Variants in ALPL observed in about 807,000 individuals in gnomAD.
The protein encoded by ALPL is alkaline phosphatase, biomineralization associated, also known as alkaline phosphatase, tissue-nonspecific isozyme.
A neutral mutation model predicts 51.3 loss-of-function variants in ALPL; 42 were observed. The ratio of observed to expected loss-of-function variants is 0.82; its 90% CI spans 0.64 to 1.06. The LOEUF (loss-of-function observed/expected upper bound fraction) is 1.06, where lower values mean the gene tolerates loss of function less well. Among genes scored for constraint, ALPL ranks in the 50% least tolerant of loss-of-function variants. The probability of loss-of-function intolerance (pLI) is 0.00; values close to 1 mark genes in which losing one functional copy is unlikely to be tolerated. For missense variants in ALPL, 589 were observed against 709.4 expected (o/e 0.83, Z 1.93); for synonymous variants, 279 against 296.4 (o/e 0.94, Z 0.60).
At chr1:21,558,731 G>T (rs1441517118) in intron 2 of ALPL, among the ~76,000 whole-genome samples, 1 of 152,212 alleles carries the variant, frequency 6.6e-6, no homozygotes, top group Admixed American at 6.5e-5. Context: ...TGAGGGATTG[G>T]GGTGGTGGTG....
rs537018840 is a variant in ALPL, at chr1:21,575,694, C to T, written c.998-39C>T. On this transcript the variant is annotated intron_variant, in intron 9 of 11. Coordinates refer to ENST00000374840, the MANE Select transcript of ALPL (RefSeq NM_000478.6). ...GGGGCTGGGGAGCAGATCTTCCTCC[C>T]CTCCTCCCTCACCGAGGCCTTTGCC... is the stretch of plus-strand genomic sequence containing the variant. 5 of 1,611,678 alleles carry T rather than the reference C, an allele frequency of 3.1e-6. No individual in the cohort carries two copies. In the African/African-American group the frequency reaches 6.7e-5, roughly 22 times the overall value.
At chr1:21,575,100 ACAGGCACTGCC>A (rs554507571) in intron 9 of ALPL, among the ~76,000 whole-genome samples, 1 of 152,330 alleles carries the variant, frequency 6.6e-6, no homozygotes, top group South Asian at 2.1e-4. Flanking sequence ...GGAACCTGCC[ACAGGCACTGCC>A]CAGGCACTGG....
chr1:21,547,146 G>A (rs1313204583), intron 1 of ALPL, among the ~76,000 whole-genome samples: 1 of 152,242 alleles, frequency 6.6e-6, no homozygotes, highest in Non-Finnish European at 1.5e-5. Flanking sequence ...CTCTGTAGGT[G>A]TTTGGGAGTG....
chr1:21,537,410 T>C (rs774846555), intron 1 of ALPL, among the ~76,000 whole-genome samples: 2 of 152,170 alleles, frequency 1.3e-5, no homozygotes, highest in Non-Finnish European at 2.9e-5. Context: ...CCCCTCACTT[T>C]GTGGAGCGGG....
chr1:21,571,408 C>T (rs890589186), intron 8 of ALPL, among the ~76,000 whole-genome samples: 1 of 151,988 alleles, frequency 6.6e-6, no homozygotes, highest in East Asian at 1.9e-4. Context: ...TGCAGTGGCT[C>T]ATGCCTGTAA....
chr1:21,563,708 G>T (rs1301035459), intron 5 of ALPL, among the ~76,000 whole-genome samples: 1 of 152,168 alleles, frequency 6.6e-6, no homozygotes, highest in Non-Finnish European at 1.5e-5. Context: ...CAGGTGACAA[G>T]GCCAACATAC....
intron 1 of ALPL, among the ~76,000 whole-genome samples, chr1:21,520,533 T>C (rs1643873198): frequency 6.8e-6 from 1 of 146,574 alleles, no homozygotes; most frequent in Non-Finnish European, 1.5e-5. Context: ...AGTGGCTTGA[T>C]CTTGGCTCAC....
chr1:21,566,043 C>T (rs1005511012), intron 6 of ALPL, among the ~76,000 whole-genome samples: 4 of 152,060 alleles, frequency 2.6e-5, no homozygotes, highest in Middle Eastern at 3.4e-3. Flanking sequence ...TTGTGGGGGG[C>T]GGGGCAAGGG....
chr1:21,575,667 G>T, intron 9 of ALPL, 66 bp from the exon 10 acceptor site: 2 of 1,587,406 alleles, frequency 1.3e-6, no homozygotes, highest in Non-Finnish European at 1.7e-6. Context: ...CAGCAGTGTT[G>T]TGGGGCTGGG....
chr1:21,561,296 C>T (rs957840508), intron 4 of ALPL, 84 bp downstream of exon 4: 2 of 1,219,936 alleles, frequency 1.6e-6, no homozygotes, highest in Non-Finnish European at 2.4e-6. Flanking sequence ...GCCAGAGGTC[C>T]CCTGACCCCC....
chr1:21,530,700 C>A (rs181010370), intron 1 of ALPL, among the ~76,000 whole-genome samples: 1 of 152,002 alleles, frequency 6.6e-6, no homozygotes, highest in Non-Finnish European at 1.5e-5. Flanking sequence ...GGTGGAGTGA[C>A]TGTAGAGGCC....
intron 1 of ALPL, among the ~76,000 whole-genome samples, chr1:21,510,080 G>T (rs2148046268): frequency 6.6e-6 from 1 of 152,242 alleles, no homozygotes. Flanking sequence ...GGACACCCGC[G>T]TGGGTGTCAA....
intron 1 of ALPL, among the ~76,000 whole-genome samples, chr1:21,551,819 G>A (rs1166224080): frequency 8.4e-5 from 12 of 142,552 alleles, no homozygotes; most frequent in Admixed American, 5.3e-4. Flanking sequence ...TCCGCCTCCC[G>A]GGTTCACGCC....
At position 21,577,712 on chromosome 1, in the gene ALPL, CCCT is replaced by C; in HGVS notation, c.*66_*68del. On this transcript the variant is annotated 3_prime_UTR_variant, in exon 12 of 12. Transcript: ENST00000374840. ...GCCAACTTCCCACACGGCAGCCCCC[CCCT>C]CAAGGGGCAGGGAGGTGGGGGCCTC... The C allele has an allele frequency of 6.5e-7, 1 of 1,549,184 alleles. No individual in the cohort carries two copies. The highest frequency in any genetic ancestry group is 8.7e-7 in the Non-Finnish European group (1 of 1,153,442).
At chr1:21,522,735 G>A (rs1240757161) in intron 1 of ALPL, among the ~76,000 whole-genome samples, 1 of 152,178 alleles carries the variant, frequency 6.6e-6, no homozygotes, top group Non-Finnish European at 1.5e-5. Context: ...CTGTGGGATA[G>A]GCGCCAATCA....
intron 6 of ALPL, among the ~76,000 whole-genome samples, chr1:21,566,166 C>T (rs894651747): frequency 6.6e-5 from 10 of 152,336 alleles, no homozygotes; most frequent in Admixed American, 6.5e-5. Context: ...TGTTTCCCCA[C>T]TCCTTCTGGC....
intron 1 of ALPL, among the ~76,000 whole-genome samples, chr1:21,534,220 C>T (rs1644068428): frequency 6.6e-6 from 1 of 152,222 alleles, no homozygotes; most frequent in Non-Finnish European, 1.5e-5. Flanking sequence ...AAGCAGTCCT[C>T]CTGCCTTGGC....
intron 1 of ALPL, among the ~76,000 whole-genome samples, chr1:21,525,054 G>A (rs990216554): frequency 7.9e-5 from 12 of 152,222 alleles, no homozygotes; most frequent in African/African-American, 2.7e-4. Flanking sequence ...GTCTTCCTGG[G>A]GCAGTGAATC....
At chr1:21,552,403 C>CCG (rs1553410527) in intron 1 of ALPL, among the ~76,000 whole-genome samples, 5 of 149,514 alleles carry the variant, frequency 3.3e-5, no homozygotes, top group African/African-American at 1.2e-4. Flanking sequence ...TGCTTGAACC[C>CCG]GGGGGGCGGA....
Sources: allele counts gnomAD v4.1 joint callset (sites outside exome capture counted in the v4.1 genomes callset), GRCh38; gene constraint gnomAD v4.1.1; transcripts MANE v1.5; gene names NCBI Gene and HGNC (gene_info 2026-07-23, HGNC 2026-07-21).